Variants in IGF2R observed in about 807,000 individuals in gnomAD.
IGF2R encodes insulin like growth factor 2 receptor, also known as cation-independent mannose-6-phosphate receptor.
Under a neutral mutation model 270.6 loss-of-function variants are expected in IGF2R, and 91 were observed. The observed-to-expected ratio is 0.34, with a 90% CI of 0.28 to 0.40. The LOEUF (loss-of-function observed/expected upper bound fraction) is 0.40, where lower values mean the gene tolerates loss of function less well. Ranked by LOEUF, IGF2R falls within the 10% of genes least tolerant of loss-of-function variation. IGF2R has a pLI of 1.00. For synonymous variants in IGF2R, 1,316 were observed against 1,258.9 expected (o/e 1.05, Z -0.96); for missense variants, 2,805 against 3,188.3 (o/e 0.88, Z 2.90).
At chr6:160,064,632 TG>T in intron 28 of IGF2R, 101 bp downstream of exon 28, 1 of 1,351,692 alleles carries the variant, frequency 7.4e-7, no homozygotes, top group Non-Finnish European at 1.0e-6. Context: ...TCAAATCTCC[TG>T]GTTAACTGAG....
intron 10 of IGF2R, among the ~76,000 whole-genome samples, chr6:160,036,734 G>A (rs1239885703): frequency 6.6e-6 from 1 of 151,698 alleles, no homozygotes; most frequent in Non-Finnish European, 1.5e-5. Flanking sequence ...AAAAAACACA[G>A]GAGAGAAAAA....
intron 35 of IGF2R, among the ~76,000 whole-genome samples, chr6:160,074,512 C>T (rs1778815493): frequency 6.6e-6 from 1 of 152,234 alleles, no homozygotes. Flanking sequence ...GCCTCAGGCT[C>T]CTGGCCTTAA....
Position 160,084,170 on chromosome 6 carries a change from C to A in IGF2R, c.6054C>A (p.Val2018=), listed in dbSNP as rs1486390468. 1.2e-6 allele frequency: 2 copies of A among 1,610,916 alleles called. No homozygotes were observed. The highest frequency in any genetic ancestry group is 1.7e-6 in the Non-Finnish European group (2 of 1,177,066). Residue 2018 remains valine, a synonymous_variant, in exon 40 of 48, where the codon GTC becomes GTA. Coordinates refer to ENST00000356956, the MANE Select transcript of IGF2R (RefSeq NM_000876.4). The surrounding 1 kb of genome is among the most constrained non-coding windows in gnomAD (Gnocchi z 4.6). ...LSSLTGSWSL[V]HNGVSYYINL... The stretch of plus-strand genomic sequence containing the variant: ...CTCTCACCGGGTCCTGGTCCCTCGT[C>A]CACAACGGAGTCTCGTGAGTGCCTT...
rs1778638279 is a variant in IGF2R, at chr6:160,068,386, G to T, written c.4252+1G>T. Reference sequence around the variant, plus strand: ...TCTCTGGCCCCGCAGGCTGGCACTGGTGAGAGAGGGCCTCCTCGTGGGGTG... The same window carrying T: ...TCTCTGGCCCCGCAGGCTGGCACTGTTGAGAGAGGGCCTCCTCGTGGGGTG... On this transcript the variant is annotated splice_donor_variant, in intron 30 of 47. Transcript: ENST00000356956. LOFTEE classifies it high-confidence loss of function. 2 of 1,613,654 alleles carry T rather than the reference G, an allele frequency of 1.2e-6. No homozygotes were observed. The highest frequency in any genetic ancestry group is 1.3e-5 in the African/African-American group (1 of 74,912).
intron 8 of IGF2R, 31 bp downstream of exon 8, chr6:160,032,744 G>A: frequency 6.2e-7 from 1 of 1,608,444 alleles, no homozygotes; most frequent in Non-Finnish European, 8.5e-7. Context: ...TCCTGGCGCT[G>A]CTTAGGAAGA....
At position 160,089,105 on chromosome 6, in the gene IGF2R, A is replaced by G. The variant is rs1298836036; in HGVS notation, c.6321-2A>G. On this transcript the variant is annotated splice_acceptor_variant, in intron 42 of 47. Transcript: ENST00000356956. LOFTEE classifies it high-confidence loss of function. ...CTGTAGCCTGTGCTTCCCTCCTCCT[A>G]GGTTTGATATCGACAGCTGCACTTA... The G allele has an allele frequency of 6.2e-7, 1 of 1,611,696 alleles. No individual in the cohort carries two copies. The highest frequency in any genetic ancestry group is 1.7e-5 in the Admixed American group (1 of 59,778).
intron 11 of IGF2R, among the ~76,000 whole-genome samples, chr6:160,041,152 C>T (rs1777936517): frequency 6.6e-6 from 1 of 152,050 alleles, no homozygotes; most frequent in South Asian, 2.1e-4. Context: ...GGCAGCAGCG[C>T]CCCCCACAGC....
At chr6:160,036,735 G>C (rs1302511742) in intron 10 of IGF2R, among the ~76,000 whole-genome samples, 1 of 151,682 alleles carries the variant, frequency 6.6e-6, no homozygotes, top group Admixed American at 6.6e-5. Context: ...AAAAACACAG[G>C]AGAGAAAAAC....
At chr6:160,036,298 A>G (rs1777822764) in intron 10 of IGF2R, among the ~76,000 whole-genome samples, 1 of 151,912 alleles carries the variant, frequency 6.6e-6, no homozygotes, top group African/African-American at 2.4e-5. Context: ...TAGCCTACCT[A>G]CGCTACTAGC....
intron 7 of IGF2R, among the ~76,000 whole-genome samples, 193 bp from the exon 8 acceptor site, chr6:160,032,358 T>G (rs1777716090): frequency 6.6e-6 from 1 of 152,144 alleles, no homozygotes; most frequent in Admixed American, 6.5e-5. Flanking sequence ...AGAAAAAAAT[T>G]AAAAGTAACT....
Position 160,084,647 on chromosome 6 carries a change from G to A in IGF2R, c.6069-348G>A, listed in dbSNP as rs539494898. 6.6e-5 allele frequency among the ~76,000 whole-genome samples: 10 copies of A among 152,260 alleles called. No homozygotes were observed. Among genetic ancestry groups the A allele is most frequent in the Admixed American group, 5.9e-4 (9 of 15,304 alleles). ...CGAGGAGCAGGGGCATGGACTCACA[G>A]GGTTTAAGTGGTTCTAAGTGAGGTG... On this transcript the variant is annotated intron_variant, in intron 40 of 47. Coordinates refer to ENST00000356956, the MANE Select transcript of IGF2R (RefSeq NM_000876.4). The surrounding 1 kb of genome is among the most constrained non-coding windows in gnomAD (Gnocchi z 4.6).
At chr6:160,061,406 G>T in intron 23 of IGF2R, 97 bp from the exon 24 acceptor site, 2 of 1,117,366 alleles carry the variant, frequency 1.8e-6, no homozygotes, top group Admixed American at 4.2e-5. Flanking sequence ...GGAATGCCAG[G>T]TTCACGCCTC....
chr6:160,015,532 G>T (rs1777271241), intron 4 of IGF2R, among the ~76,000 whole-genome samples: 1 of 152,092 alleles, frequency 6.6e-6, no homozygotes, highest in African/African-American at 2.4e-5. Context: ...GTACCGCAAA[G>T]ATGTGGGTGC....
At chr6:159,979,473 T>G (rs1364755923) in intron 1 of IGF2R, among the ~76,000 whole-genome samples, 1 of 152,178 alleles carries the variant, frequency 6.6e-6, no homozygotes, top group East Asian at 1.9e-4. Flanking sequence ...CTCTTCTCTT[T>G]TGTCTCTTTT....
chr6:160,045,863 G>C lies in IGF2R; in HGVS notation c.1884G>C (p.Thr628=). Reference sequence around the variant, plus strand: ...CTAAGACAGAAGGGGAGAACTGCACGGTCTTTGACTCCCAGGCAGGTCTGT... The same window carrying C: ...CTAAGACAGAAGGGGAGAACTGCACCGTCTTTGACTCCCAGGCAGGTCTGT... ...VLSKTEGENC[T]VFDSQAGFSF... The change falls in exon 14 of 48, where the codon ACG becomes ACC. Residue 628 remains threonine, a synonymous_variant. Transcript: ENST00000356956. 8 of 1,578,504 alleles carry C rather than the reference G, an allele frequency of 5.1e-6. No individual in the cohort carries two copies. Among genetic ancestry groups the C allele is most frequent in the Non-Finnish European group, 6.9e-6 (8 of 1,163,398 alleles).
At chr6:160,008,715 C>A (rs186409299) in intron 2 of IGF2R, among the ~76,000 whole-genome samples, 1 of 151,974 alleles carries the variant, frequency 6.6e-6, no homozygotes, top group East Asian at 1.9e-4. Flanking sequence ...ATTGCTGGAG[C>A]GCAGGTAGTG....
chr6:160,083,959 A>G lies in IGF2R; in HGVS notation c.5843A>G (p.Tyr1948Cys), dbSNP rs775356549. ...TCCCTACACTCCCCAGCAAACAGCT[A>G]CCGGACATCCAGCATCATATTTAAG... is the stretch of plus-strand genomic sequence containing the variant. The part of the protein sequence containing the change: ...EWGFCRHSNS[Y>C]RTSSIIFKCD... The change falls in exon 40 of 48, where the codon TAC becomes TGC. Residue 1948 changes from tyrosine to cysteine, a missense_variant. Tyr to Cys is a radical substitution (Grantham distance 194). Transcript: ENST00000356956. The G allele has an allele frequency of 1.8e-5, 29 of 1,612,856 alleles. No individual in the cohort carries two copies. Among genetic ancestry groups the G allele is most frequent in the Non-Finnish European group, 2.4e-5 (28 of 1,178,942 alleles).
intron 47 of IGF2R, among the ~76,000 whole-genome samples, chr6:160,104,458 A>C (rs8191954): frequency 1.3e-5 from 2 of 150,314 alleles, no homozygotes; most frequent in East Asian, 3.9e-4. Flanking sequence ...ACCCTCCCAA[A>C]CCCTCCTGCC....
At position 160,096,636 on chromosome 6, in the gene IGF2R, C is replaced by T. The variant is rs141338049; in HGVS notation, c.6842+11C>T. 3.1e-6 allele frequency: 5 copies of T among 1,598,866 alleles called. No homozygotes were observed. The highest frequency in any genetic ancestry group is 4.3e-6 in the Non-Finnish European group (5 of 1,170,698). ...CGTGTGTCCTCTGGGGTGAGTATGA[C>T]ATCCGGAAGCTTAGCACTTGTACCC... On this transcript the variant is annotated intron_variant, in intron 45 of 47. Transcript: ENST00000356956.
Sources: gnomAD v4.1 joint callset for allele counts (sites outside exome capture counted in the v4.1 genomes callset) on GRCh38, gnomAD v4.1.1 for gene constraint, Gnocchi (gnomAD v3.1) non-coding constraint, MANE v1.5 for transcripts, NCBI Gene and HGNC (gene_info 2026-07-23, HGNC 2026-07-21) for gene names.